The following ZYG11A variants were observed in gnomAD, a reference collection of about 807,000 sequenced individuals.
ZYG11A encodes the protein zyg-11 family member A, cell cycle regulator.
ZYG11A carries 62 observed loss-of-function variants against 77.2 expected under a neutral mutation model. That is an observed-to-expected ratio of 0.80 (90% CI 0.65 to 0.99). The LOEUF (loss-of-function observed/expected upper bound fraction) is 0.99. ZYG11A is among the 50% of genes least tolerant of loss of function. The pLI is 0.00. For missense variants in ZYG11A, 828 were observed against 896.8 expected (o/e 0.92, Z 0.98); for synonymous variants, 315 against 324.6 (o/e 0.97, Z 0.32).
chr1:52,869,598 A>G lies in ZYG11A; in HGVS notation c.1542+1821A>G, dbSNP rs1426452180. ...ATCAACAGGATCCCAAGGCAGAAGG[A>G]TTTTTCTTAGTACAGAACAAAATGA... On this transcript the variant is annotated intron_variant, in intron 8 of 13. Coordinates refer to ENST00000371528, the MANE Select transcript of ZYG11A (RefSeq NM_001004339.3). Among the ~76,000 whole-genome samples the G allele has an allele frequency of 5.3e-5, 8 of 151,808 alleles. 1 individual carries two copies. The highest frequency in any genetic ancestry group is 1.9e-4 in the African/African-American group (8 of 41,202).
intron 1 of ZYG11A, among the ~76,000 whole-genome samples, chr1:52,850,312 C>T (rs1054572644): frequency 6.6e-6 from 1 of 151,070 alleles, no homozygotes; most frequent in Non-Finnish European, 1.5e-5. Flanking sequence ...CACCGGTACG[C>T]CCAGCTATTT....
At chr1:52,855,467 G>A (rs1645792895) in intron 2 of ZYG11A, among the ~76,000 whole-genome samples, 1 of 151,986 alleles carries the variant, frequency 6.6e-6, no homozygotes, top group South Asian at 2.1e-4. Flanking sequence ...TGGGATTACA[G>A]GCGTGAGGCA....
At chr1:52,892,184 CCA>C (rs2150026076) in intron 13 of ZYG11A, among the ~76,000 whole-genome samples, 1 of 78,200 alleles carries the variant, frequency 1.3e-5, no homozygotes, top group Admixed American at 1.4e-4. Flanking sequence ...CAGGCGTGAG[CCA>C]CTGCGCCCAG....
At chr1:52,879,808 G>T (rs911383669) in intron 10 of ZYG11A, among the ~76,000 whole-genome samples, 2 of 150,940 alleles carry the variant, frequency 1.3e-5, no homozygotes, top group Non-Finnish European at 2.9e-5. Context: ...TGTCACCCAG[G>T]CTGGAGTGCA....
intron 10 of ZYG11A, among the ~76,000 whole-genome samples, chr1:52,879,045 C>T (rs1646316647): frequency 6.7e-6 from 1 of 149,644 alleles, no homozygotes; most frequent in Non-Finnish European, 1.5e-5. Flanking sequence ...TACTATACTA[C>T]TTCTTTATCC....
chr1:52,859,667 CTTTT>C lies in ZYG11A; in HGVS notation c.1009-1039_1009-1036del, dbSNP rs60756718. Among the ~76,000 whole-genome samples the C allele has an allele frequency of 1.4e-4, 6 of 42,904 alleles. 2 individuals carry two copies. The highest frequency in any genetic ancestry group is 4.6e-4 in the African/African-American group (6 of 13,126). 28.1% of individuals were successfully genotyped at this position (42,904 alleles called of 152,430 possible). ...TTATTTTTATCTGTTTGTGTATTGCCTTTTTTTTTTTTTTTTTTTTTTTTTTTTG... is the reference window on the plus strand; with the variant it reads ...TTATTTTTATCTGTTTGTGTATTGCCTTTTTTTTTTTTTTTTTTTTTTTTG... On this transcript the variant is annotated intron_variant, in intron 3 of 13. Coordinates refer to ENST00000371528, the MANE Select transcript of ZYG11A (RefSeq NM_001004339.3).
At position 52,857,063 on chromosome 1, in the gene ZYG11A, A is replaced by G; in HGVS notation, c.322A>G (p.Ile108Val). 6.4e-7 allele frequency: 1 copy of G among 1,551,020 alleles called. No individual in the cohort carries two copies. Among genetic ancestry groups the G allele is most frequent in the Middle Eastern group, 1.7e-4 (1 of 5,992 alleles). ...GNQMKLKLVN[I>V]QKAKISTAAF... is the part of the protein sequence containing the mutation. The stretch of plus-strand genomic sequence containing the variant: ...CCAAATGAAACTGAAGCTGGTCAAT[A>G]TCCAAAAAGCTAAAATCTCTACAGC... Residue 108 changes from isoleucine (I) to valine (V), a missense_variant, in exon 3 of 14, where the codon ATC becomes GTC. Coordinates refer to ENST00000371528, the MANE Select transcript of ZYG11A (RefSeq NM_001004339.3).
intron 8 of ZYG11A, among the ~76,000 whole-genome samples, chr1:52,875,197 T>C (rs1646240065): frequency 6.6e-6 from 1 of 151,982 alleles, no homozygotes. Flanking sequence ...GAGGACAGAG[T>C]TGACCATTGG....
chr1:52,878,368 G>A (rs889597887), intron 10 of ZYG11A, among the ~76,000 whole-genome samples: 7 of 152,128 alleles, frequency 4.6e-5, no homozygotes, highest in East Asian at 1.9e-4. Flanking sequence ...ACCAGCTGGC[G>A]GGCTTTGTGT....
At chr1:52,843,152 G>C (rs1053946403) in intron 1 of ZYG11A, among the ~76,000 whole-genome samples, 179 bp downstream of exon 1, 4 of 151,962 alleles carry the variant, frequency 2.6e-5, no homozygotes, top group Non-Finnish European at 5.9e-5. Flanking sequence ...GTGCGTTGTC[G>C]GGGGAGGCGG....
At chr1:52,864,834 A>AT (rs1645996018) in intron 5 of ZYG11A, among the ~76,000 whole-genome samples, 7 of 132,452 alleles carry the variant, frequency 5.3e-5, no homozygotes, top group Non-Finnish European at 1.1e-4. Context: ...TTGTATTTTT[A>AT]GTAGAGATGG....
rs192849457 is a variant in ZYG11A, at chr1:52,874,452, G to A, written c.1543-3230G>A. On this transcript the variant is annotated intron_variant, in intron 8 of 13. Transcript: ENST00000371528. The stretch of plus-strand genomic sequence containing the variant: ...TTTTTGATAGAGACAGAGTCTAGCC[G>A]TGTCACTCAGGTTGGTCTCGAGCTC... Among the ~76,000 whole-genome samples the A allele has an allele frequency of 5.3e-5, 8 of 151,738 alleles. No individual in the cohort carries two copies. In the East Asian group the frequency reaches 5.8e-4, roughly 11 times the overall value.
intron 3 of ZYG11A, among the ~76,000 whole-genome samples, chr1:52,859,134 T>C (rs924654952): frequency 6.6e-6 from 1 of 152,126 alleles, no homozygotes; most frequent in African/African-American, 2.4e-5. Flanking sequence ...TGGCACAATC[T>C]TGGCTCACTG....
chr1:52,870,060 C>T (rs1381600926), intron 8 of ZYG11A, among the ~76,000 whole-genome samples: 2 of 151,300 alleles, frequency 1.3e-5, no homozygotes, highest in Admixed American at 1.3e-4. Flanking sequence ...TCCTCACCTC[C>T]CAGACGGGGT....
chr1:52,862,038 G>A (rs969193562), intron 4 of ZYG11A, among the ~76,000 whole-genome samples: 1 of 151,756 alleles, frequency 6.6e-6, no homozygotes, highest in Admixed American at 6.6e-5. Flanking sequence ...GTAGAACCCC[G>A]TCTCTACTAA....
Position 52,881,357 on chromosome 1 carries a change from A to AG in ZYG11A, c.1750-113dup, listed in dbSNP as rs149728099. The AG allele has an allele frequency of 4.4e-3, 3,090 of 697,930 alleles. 87 individuals carry two copies. The African/African-American group carries it at 0.051, about 12-fold the overall frequency. The allele number at this position is 697,930 out of a possible 1,614,324, so 43.2% of individuals were successfully genotyped here. On this transcript the variant is annotated intron_variant, in intron 10 of 13. Transcript: ENST00000371528. ...CTAGCTTGAGGCGGAGGCGGGTATA[A>AG]GAATAAGAGTTCTGAATTTATCTGA...
At position 52,846,308 on chromosome 1, in the gene ZYG11A, TTTTATATATATATATATATA is replaced by T. The variant is rs1393122880; in HGVS notation, c.90+3337_90+3356del. Among the ~76,000 whole-genome samples, 65 of 124,894 alleles carry T rather than the reference TTTTATATATATATATATATA, an allele frequency of 5.2e-4. 1 individual carries two copies. The highest frequency in any genetic ancestry group is 1.9e-3 in the East Asian group (6 of 3,080). 81.9% of individuals were successfully genotyped at this position (124,894 alleles called of 152,430 possible). A position where few individuals can be genotyped will look rare whatever the true frequency, so the allele number is the denominator to read the frequency against. The stretch of plus-strand genomic sequence containing the variant: ...TTTTGGAAATCATGGCTTTTTAAAT[TTTTATATATATATATATATA>T]TATATATATATATATATATATATAT... On this transcript the variant is annotated intron_variant, in intron 1 of 13. Transcript: ENST00000371528.
rs541354634 is a variant in ZYG11A at position 52,884,101 on chromosome 1, A to C, written c.1945-1732A>C. Among the ~76,000 whole-genome samples the C allele has an allele frequency of 2.0e-5, 3 of 152,042 alleles. No individual in the cohort carries two copies. In the East Asian group the frequency reaches 5.9e-4, roughly 30 times the overall value. On this transcript the variant is annotated intron_variant, in intron 11 of 13. Coordinates refer to ENST00000371528, the MANE Select transcript of ZYG11A (RefSeq NM_001004339.3). ...CACCATGTTGGTCAGGCTTGTCTCC[A>C]ACTCCTGACCTTAGGTCATCCACCC...
intron 8 of ZYG11A, 146 bp from the exon 9 acceptor site, chr1:52,877,536 T>C: frequency 1.6e-6 from 1 of 636,584 alleles, no homozygotes; most frequent in Non-Finnish European, 2.6e-6. Context: ...ATTTATTTTA[T>C]AGAAAGAAAA....
Sources: gnomAD v4.1 joint callset for allele counts (sites outside exome capture counted in the v4.1 genomes callset) on GRCh38, gnomAD v4.1.1 for gene constraint, MANE v1.5 for transcripts, NCBI Gene and HGNC (gene_info 2026-07-23, HGNC 2026-07-21) for gene names.